NFKB1: variants seen among roughly 807,000 people sequenced by gnomAD.
The protein encoded by NFKB1 is nuclear factor kappa B subunit 1.
NFKB1 carries 9 observed loss-of-function variants against 105.1 expected under a neutral mutation model. That is an observed-to-expected ratio of 0.09 (90% confidence interval 0.05 to 0.15). The LOEUF (loss-of-function observed/expected upper bound fraction) is 0.15. Among genes scored for constraint, NFKB1 ranks in the 10% least tolerant of loss-of-function variants. The pLI is 1.00. For synonymous variants in NFKB1, 440 were observed against 442.2 expected, an observed-to-expected ratio of 1.00 and a Z score of 0.06; for missense variants, 830 against 1,203.7, an observed-to-expected ratio of 0.69 and a Z score of 4.59.
Position 102,598,403 on chromosome 4 carries a change from A to G in NFKB1, c.1637+742A>G, listed in dbSNP as rs572448270. Reference sequence around the variant, plus strand: ...AGTGCCTTATCTAAAACCTTCCTAAAATAGCATCAACATAGAGAAATCCTT... The same window carrying G: ...AGTGCCTTATCTAAAACCTTCCTAAGATAGCATCAACATAGAGAAATCCTT... On this transcript the variant is annotated intron_variant, in intron 15 of 23. Coordinates refer to ENST00000226574, the MANE Select transcript of NFKB1 (RefSeq NM_003998.4). Among the ~76,000 whole-genome samples the G allele has an allele frequency of 5.3e-5, 8 of 152,306 alleles. No individual in the cohort carries two copies. In the South Asian group the frequency reaches 1.4e-3, roughly 28 times the overall value.
chr4:102,612,210 C>T (rs189541464), intron 21 of NFKB1, 100 bp downstream of exon 21: 2 of 1,186,302 alleles, frequency 1.7e-6, no homozygotes, highest in East Asian at 4.8e-5. Flanking sequence ...GTTAAAAGTT[C>T]TTATTTCAGA....
At chr4:102,566,855 G>A in intron 5 of NFKB1, 132 bp from the exon 6 acceptor site, 1 of 808,814 alleles carries the variant, frequency 1.2e-6, no homozygotes, top group Non-Finnish European at 1.9e-6. Context: ...TAAAAACAGG[G>A]CTGTAATCAT....
At chr4:102,603,003 A>G (rs1156883707) in intron 16 of NFKB1, among the ~76,000 whole-genome samples, 1 of 152,180 alleles carries the variant, frequency 6.6e-6, no homozygotes, top group Admixed American at 6.5e-5. Context: ...CTTAACAGTC[A>G]TATTCAAGGA....
chr4:102,505,933 C>A (rs1175158310), intron 1 of NFKB1, among the ~76,000 whole-genome samples: 1 of 151,984 alleles, frequency 6.6e-6, no homozygotes, highest in Non-Finnish European at 1.5e-5. Flanking sequence ...CATTATTTTG[C>A]TTTGCCTTCT....
intron 9 of NFKB1, among the ~76,000 whole-genome samples, chr4:102,582,198 A>G (rs1223284916): frequency 1.3e-5 from 2 of 152,248 alleles, no homozygotes; most frequent in East Asian, 1.9e-4. Flanking sequence ...CAATTACTCA[A>G]TATGAACTAA....
At position 102,551,749 on chromosome 4, in the gene NFKB1, C is replaced by T. The variant is rs562915532; in HGVS notation, c.258+13793C>T. On this transcript the variant is annotated intron_variant, in intron 5 of 23. Transcript: ENST00000226574. ...CACCAAACACTTTAATATATTTTAT[C>T]ATTGTCCTGAATACAGCCCTATAAG... 3.9e-5 allele frequency among the ~76,000 whole-genome samples: 6 copies of T among 152,266 alleles called. 1 individual carries two copies. The South Asian group carries it at 1.2e-3, about 32-fold the overall frequency.
chr4:102,519,534 GTT>G (rs1740432985), intron 1 of NFKB1, among the ~76,000 whole-genome samples: 1 of 151,650 alleles, frequency 6.6e-6, no homozygotes, highest in African/African-American at 2.4e-5. Context: ...AGTTAACATT[GTT>G]TGGTATTTTT....
chr4:102,603,139 C>G (rs1194086920), intron 16 of NFKB1, among the ~76,000 whole-genome samples: 1 of 152,162 alleles, frequency 6.6e-6, no homozygotes, highest in Non-Finnish European at 1.5e-5. Context: ...GTGGCGCGAT[C>G]TCGGCTCACT....
intron 1 of NFKB1, among the ~76,000 whole-genome samples, chr4:102,515,107 A>AT (rs34257045): frequency 0.012 from 1,138 of 95,606 alleles, 25 homozygotes; most frequent in African/African-American, 0.03. Flanking sequence ...TATTATTATT[A>AT]TTTTTTTTTT....
chr4:102,593,249 C>A (rs1726318163), intron 11 of NFKB1, 176 bp from the exon 12 acceptor site: 2 of 615,144 alleles, frequency 3.3e-6, no homozygotes, highest in Non-Finnish European at 5.6e-6. Context: ...TTTCAGCCTT[C>A]ATACCCATTG....
chr4:102,563,058 A>G (rs1430111123), intron 5 of NFKB1, among the ~76,000 whole-genome samples: 1 of 152,204 alleles, frequency 6.6e-6, no homozygotes, highest in Non-Finnish European at 1.5e-5. Context: ...AAAATTATAG[A>G]CTACATCCTG....
At chr4:102,612,377 C>A in intron 21 of NFKB1, 57 bp from the exon 22 acceptor site, 2 of 1,550,990 alleles carry the variant, frequency 1.3e-6, no homozygotes, top group Non-Finnish European at 8.8e-7. Flanking sequence ...ATGATCAGTC[C>A]CTCCAGAGTG....
intron 1 of NFKB1, among the ~76,000 whole-genome samples, chr4:102,524,322 T>G (rs541611934): frequency 3.3e-5 from 5 of 152,060 alleles, no homozygotes; most frequent in Non-Finnish European, 5.9e-5. Context: ...TTAGCTGGAG[T>G]TGATTAAATC....
Position 102,529,452 on chromosome 4 carries a change from A to G in NFKB1, c.40-384A>G, listed in dbSNP as rs112430299. Among the ~76,000 whole-genome samples the G allele has an allele frequency of 7.9e-5, 12 of 152,282 alleles. 1 individual carries two copies. Among genetic ancestry groups the G allele is most frequent in the African/African-American group, 2.9e-4 (12 of 41,558 alleles). ...TCTAGGATTATATTATTTTGTTTAT[A>G]CTTCTAAGAGAGTACAAGCTTCAAA... On this transcript the variant is annotated intron_variant, in intron 2 of 23. Coordinates refer to ENST00000226574, the MANE Select transcript of NFKB1 (RefSeq NM_003998.4).
Position 102,612,284 on chromosome 4 carries a change from G to T in NFKB1, c.2420-150G>T, listed in dbSNP as rs370269533. On this transcript the variant is annotated intron_variant, in intron 21 of 23. Transcript: ENST00000226574. ...TTTTAATCTACTGTAAATGTATACT[G>T]CCTTCTACTCAGCTGGGCTTTGACC... 1.9e-4 allele frequency: 177 copies of T among 910,680 alleles called. 1 individual carries two copies. The South Asian group carries it at 2.8e-3, about 14-fold the overall frequency. 56.4% of individuals were successfully genotyped at this position (910,680 alleles called of 1,614,324 possible). A position where few individuals can be genotyped will look rare whatever the true frequency, so the allele number is the denominator to read the frequency against.
chr4:102,563,470 A>G lies in NFKB1; in HGVS notation c.259-3517A>G, dbSNP rs1285154001. 2.0e-5 allele frequency among the ~76,000 whole-genome samples: 3 copies of G among 152,182 alleles called. No homozygotes were observed. In the East Asian group the frequency reaches 5.8e-4, roughly 29 times the overall value. On this transcript the variant is annotated intron_variant, in intron 5 of 23. Coordinates refer to ENST00000226574, the MANE Select transcript of NFKB1 (RefSeq NM_003998.4). The stretch of plus-strand genomic sequence containing the variant: ...TAAAAAAAAAACTTTCAGGATGGTC[A>G]TATTGTTTAAAGTTCTCTAGGTGGA...
intron 15 of NFKB1, among the ~76,000 whole-genome samples, chr4:102,600,236 A>G (rs577526887): frequency 2.0e-5 from 3 of 152,222 alleles, no homozygotes; most frequent in African/African-American, 7.2e-5. Context: ...AGGCAGAAGA[A>G]AGGAGCAAAA....
At chr4:102,530,481 A>G (rs552881294) in intron 3 of NFKB1, among the ~76,000 whole-genome samples, 1 of 152,286 alleles carries the variant, frequency 6.6e-6, no homozygotes, top group Admixed American at 6.5e-5. Context: ...ATAAAAAAAA[A>G]ACTCTCTTTC....
chr4:102,506,994 TATA>T (rs1186685915), intron 1 of NFKB1, among the ~76,000 whole-genome samples: 1 of 149,122 alleles, frequency 6.7e-6, no homozygotes, highest in Non-Finnish European at 1.5e-5. Context: ...GTATATTAAA[TATA>T]ATGATATATG....
Sources: allele counts gnomAD v4.1 joint callset (sites outside exome capture counted in the v4.1 genomes callset), GRCh38; gene constraint gnomAD v4.1.1; transcripts MANE v1.5; gene names NCBI Gene and HGNC (gene_info 2026-07-23, HGNC 2026-07-21).